Variants in SPINK5 observed in about 807,000 individuals in gnomAD.
SPINK5 encodes serine peptidase inhibitor Kazal type 5, also known as serine protease inhibitor Kazal-type 5.
Under a neutral mutation model 151.8 loss-of-function variants are expected in SPINK5, and 125 were observed. The ratio of observed to expected loss-of-function variants is 0.82; its 90% CI spans 0.71 to 0.96. The LOEUF (loss-of-function observed/expected upper bound fraction) is 0.96, where lower values mean the gene tolerates loss of function less well. Ranked by LOEUF, SPINK5 falls within the 40% of genes least tolerant of loss-of-function variation. The pLI is 0.00. For synonymous variants in SPINK5, 374 were observed against 395.3 expected (o/e 0.95, Z 0.64); for missense variants, 1,194 against 1,291.9 (o/e 0.92, Z 1.16).
chr5:148,083,218 A>G (rs1483814926), intron 4 of SPINK5, among the ~76,000 whole-genome samples: 1 of 151,470 alleles, frequency 6.6e-6, no homozygotes, highest in Non-Finnish European at 1.5e-5. Flanking sequence ...TTTGGACTCA[A>G]TTCTAATTTT....
chr5:148,069,091 A>C (rs1380550866), intron 2 of SPINK5, among the ~76,000 whole-genome samples: 1 of 152,040 alleles, frequency 6.6e-6, no homozygotes, highest in East Asian at 1.9e-4. Flanking sequence ...ATAGAGCAAG[A>C]CTCCATCTAA....
chr5:148,119,135 G>A lies in SPINK5; in HGVS notation c.2313+77G>A, dbSNP rs185528949. On this transcript the variant is annotated intron_variant, in intron 24 of 32. Transcript: ENST00000256084. ...TTGGCGATCAAAACTATAGAAGAAG[G>A]TGTCAACATGATCAAGCTAGAGCTT... The A allele has an allele frequency of 8.5e-5, 118 of 1,385,852 alleles. No individual in the cohort carries two copies. In the East Asian group the frequency reaches 1.1e-3, roughly 12 times the overall value. 85.8% of individuals were successfully genotyped at this position (1,385,852 alleles called of 1,614,324 possible).
Position 148,120,388 on chromosome 5 carries a change from A to AG in SPINK5, c.2536dup (p.Glu846GlyfsTer6). The AG allele has an allele frequency of 6.3e-7, 1 of 1,596,380 alleles. No homozygotes were observed. The highest frequency in any genetic ancestry group is 1.1e-5 in the South Asian group (1 of 88,222). On this transcript the variant is annotated frameshift_variant, in exon 26 of 33. Transcript: ENST00000256084. LOFTEE classifies it high-confidence loss of function. ...ATACAGGAGAAAGGAGCAATGACAA[A>AG]GAGGTAATAGATGTTAGACACGCTA...
chr5:148,133,307 G>T (rs976151776), intron 31 of SPINK5, among the ~76,000 whole-genome samples: 6 of 152,164 alleles, frequency 3.9e-5, no homozygotes, highest in Non-Finnish European at 8.8e-5. Flanking sequence ...CATTACCAGA[G>T]GCAAACAAGT....
At chr5:148,078,426 A>C (rs969519660) in intron 4 of SPINK5, among the ~76,000 whole-genome samples, 7 of 151,220 alleles carry the variant, frequency 4.6e-5, no homozygotes, top group Non-Finnish European at 3.0e-5. Context: ...GAAGAATACT[A>C]TCAACTAATT....
At chr5:148,089,828 C>T (rs1357250505) in intron 7 of SPINK5, among the ~76,000 whole-genome samples, 1 of 151,686 alleles carries the variant, frequency 6.6e-6, no homozygotes, top group African/African-American at 2.4e-5. Flanking sequence ...ATAAGGTGGT[C>T]ATGTTAGTTA....
At chr5:148,114,267 T>TC in intron 20 of SPINK5, 95 bp from the exon 21 acceptor site, 1 of 1,336,438 alleles carries the variant, frequency 7.5e-7, no homozygotes, top group Non-Finnish European at 9.8e-7. Context: ...TCATTTTCTC[T>TC]CTCTTTTTTT....
At chr5:148,134,133 A>G (rs1044972797) in intron 32 of SPINK5, 4 of 534,966 alleles carry the variant, frequency 7.5e-6, no homozygotes, top group African/African-American at 1.9e-5. Context: ...TTTATGAGCA[A>G]TGTCTCCAAC....
At chr5:148,087,341 C>G (rs950238757) in intron 5 of SPINK5, among the ~76,000 whole-genome samples, 3 of 151,694 alleles carry the variant, frequency 2.0e-5, no homozygotes, top group Non-Finnish European at 4.4e-5. Flanking sequence ...CTTGAATTGT[C>G]TGGTCTTAAG....
Position 148,107,028 on chromosome 5 carries a change from A to G in SPINK5, c.1480-9A>G. The G allele has an allele frequency of 6.2e-7, 1 of 1,611,726 alleles. No homozygotes were observed. Among genetic ancestry groups the G allele is most frequent in the Non-Finnish European group, 8.5e-7 (1 of 1,178,522 alleles). On this transcript the variant is annotated splice_polypyrimidine_tract_variant and intron_variant, in intron 16 of 32. Coordinates refer to ENST00000256084, the MANE Select transcript of SPINK5 (RefSeq NM_006846.4). ...ACTACTCTGAGAAAATATTTTCTTC[A>G]TTTCCCAGGAAATCTGCAGTGAATT...
At chr5:148,083,238 A>G (rs1753066329) in intron 4 of SPINK5, among the ~76,000 whole-genome samples, 1 of 151,358 alleles carries the variant, frequency 6.6e-6, no homozygotes, top group Non-Finnish European at 1.5e-5. Flanking sequence ...TTAAGTGTTA[A>G]TATTGCTGCA....
intron 15 of SPINK5, 33 bp downstream of exon 15, chr5:148,101,941 G>T (rs754372718): frequency 1.2e-6 from 2 of 1,612,870 alleles, no homozygotes; most frequent in South Asian, 2.2e-5. Flanking sequence ...AGCGTCTGAG[G>T]ATTGAGCAGT....
At position 148,125,730 on chromosome 5, in the gene SPINK5, G is replaced by A. The variant is rs775182659; in HGVS notation, c.2747G>A (p.Cys916Tyr). The change falls in exon 29 of 33, where the codon TGC becomes TAC. Residue 916 changes from cysteine to tyrosine, a missense_variant. Transcript: ENST00000256084. Reference sequence around the variant, plus strand: ...CCCTTTCTCATTTTCTAGGATGAGTGCAGTGAATTTCGAAACTATATAAGG... The same window carrying A: ...CCCTTTCTCATTTTCTAGGATGAGTACAGTGAATTTCGAAACTATATAAGG... ...SKPSNNAKDE[C>Y]SEFRNYIRNN... is the part of the protein sequence containing the mutation. 6.2e-6 allele frequency: 10 copies of A among 1,614,204 alleles called. No homozygotes were observed. The highest frequency in any genetic ancestry group is 8.5e-6 in the Non-Finnish European group (10 of 1,180,038).
At chr5:148,068,550 T>A (rs1581047243) in intron 2 of SPINK5, among the ~76,000 whole-genome samples, 2 of 85,644 alleles carry the variant, frequency 2.3e-5, no homozygotes, top group South Asian at 3.9e-4. Flanking sequence ...AGACCCTGCC[T>A]CTCCAAAAAA....
At position 148,137,035 on chromosome 5, in the gene SPINK5, T is replaced by C. The variant is rs4349706; in HGVS notation, c.*44T>C. On this transcript the variant is annotated 3_prime_UTR_variant, in exon 33 of 33. Transcript: ENST00000256084. ...CCATGAGGGAAAAAATAAACCCCAG[T>C]TCTGAATCACCTACCTTCACCATCT... 636,974 of 1,609,546 alleles carry C rather than the reference T, an allele frequency of 0.4. 130,258 individuals carry two copies. The highest frequency in any genetic ancestry group is 0.58 in the African/African-American group (43,595 of 74,838).
chr5:148,133,606 A>G (rs1017784359), intron 31 of SPINK5, among the ~76,000 whole-genome samples, 191 bp from the exon 32 acceptor site: 2 of 152,182 alleles, frequency 1.3e-5, no homozygotes, highest in African/African-American at 2.4e-5. Context: ...CTAGGGGATG[A>G]ATCTGGAGCA....
At chr5:148,099,100 C>G in intron 11 of SPINK5, 134 bp from the exon 12 acceptor site, 1 of 713,512 alleles carries the variant, frequency 1.4e-6, no homozygotes, top group Non-Finnish European at 2.4e-6. Context: ...TGTTGCTTCT[C>G]ATTGATATGC....
intron 2 of SPINK5, 40 bp downstream of exon 2, chr5:148,065,412 A>G (rs750960321): frequency 1.2e-6 from 2 of 1,611,300 alleles, no homozygotes; most frequent in African/African-American, 2.7e-5. Flanking sequence ...TCATTCCAAG[A>G]TTCCCAAAGA....
At chr5:148,101,290 G>T in intron 13 of SPINK5, 65 bp from the exon 14 acceptor site, 1 of 1,144,062 alleles carries the variant, frequency 8.7e-7, no homozygotes, top group South Asian at 1.2e-5. Flanking sequence ...AATTATATTT[G>T]AGATCACTTC....
Sources: gnomAD v4.1 joint callset for allele counts (sites outside exome capture counted in the v4.1 genomes callset) on GRCh38, gnomAD v4.1.1 for gene constraint, MANE v1.5 for transcripts, NCBI Gene and HGNC (gene_info 2026-07-23, HGNC 2026-07-21) for gene names.